PLEKHB1: variants seen among roughly 807,000 people sequenced by gnomAD.
PLEKHB1 encodes the protein pleckstrin homology domain containing B1.
Under a neutral mutation model 36.2 loss-of-function variants are expected in PLEKHB1, and 29 were observed. That is an observed-to-expected ratio of 0.80 (90% CI 0.60 to 1.09). The LOEUF (loss-of-function observed/expected upper bound fraction) is 1.09, where lower values mean the gene tolerates loss of function less well. Among genes scored for constraint, PLEKHB1 ranks in the 50% least tolerant of loss-of-function variants. PLEKHB1 has a pLI of 0.00. For missense variants in PLEKHB1, 330 were observed against 348.2 expected (o/e 0.95, Z 0.42); for synonymous variants, 138 against 140.0 (o/e 0.99, Z 0.10).
Position 73,653,013 on chromosome 11 carries a change from C to G in PLEKHB1, c.389C>G (p.Pro130Arg), listed in dbSNP as rs376023362. ...KTALLEANST[P>R]APAGATVPPR... The stretch of plus-strand genomic sequence containing the variant: ...GCACTGCTGGAGGCAAACTCCACCC[C>G]GGTGAGTCTCCCGTTCTCTCCCCCT... Residue 130 changes from proline (P) to arginine (R), a missense_variant and splice_region_variant, in exon 5 of 8, where the codon CCG becomes CGG. By Grantham distance (103) the Pro-to-Arg change is moderately radical. Transcript: ENST00000354190. The G allele has an allele frequency of 6.2e-7, 1 of 1,609,102 alleles. No homozygotes were observed. The highest frequency in any genetic ancestry group is 8.5e-7 in the Non-Finnish European group (1 of 1,176,568).
chr11:73,659,643 A>G (rs200343977), intron 6 of PLEKHB1, among the ~76,000 whole-genome samples: 44 of 37,618 alleles, frequency 1.2e-3, no homozygotes, highest in Admixed American at 2.4e-3. Context: ...GAATTCAGGG[A>G]AAAAAAAAAT....
In PLEKHB1 at chr11:73,661,244, G is replaced by A. The variant is rs1945109590; in HGVS notation, c.596-222G>A. 6.6e-6 allele frequency among the ~76,000 whole-genome samples: 1 copy of A among 152,220 alleles called. No homozygotes were observed. Among genetic ancestry groups the A allele is most frequent in the Non-Finnish European group, 1.5e-5 (1 of 68,032 alleles). On this transcript the variant is annotated intron_variant, in intron 7 of 7. Coordinates refer to ENST00000354190, the MANE Select transcript of PLEKHB1 (RefSeq NM_021200.3). The surrounding 1 kb of genome is among the most constrained non-coding windows in gnomAD (Gnocchi z 4.6). Reference sequence around the variant, plus strand: ...TTTCCTCGCTGCTCCGCCCTAGCCTGCCGTAGCGGACCCGTAGGTTCCGGG... The same window carrying A: ...TTTCCTCGCTGCTCCGCCCTAGCCTACCGTAGCGGACCCGTAGGTTCCGGG...
intron 1 of PLEKHB1, chr11:73,648,723 G>C (rs1944820704): frequency 2.6e-6 from 3 of 1,167,200 alleles, no homozygotes; most frequent in Non-Finnish European, 3.2e-6. Context: ...GACCAGGACA[G>C]AGGGCCAGGG....
intron 6 of PLEKHB1, among the ~76,000 whole-genome samples, chr11:73,657,046 A>T (rs760756247): frequency 5.3e-5 from 8 of 152,204 alleles, no homozygotes; most frequent in Non-Finnish European, 1.5e-5. Context: ...AGGCTGAGGC[A>T]GGAGAATGGC....
chr11:73,650,493 G>A (rs1008093679), intron 2 of PLEKHB1, 60 bp from the exon 3 acceptor site: 2 of 1,518,260 alleles, frequency 1.3e-6, no homozygotes, highest in Non-Finnish European at 8.8e-7. Context: ...TCTGTCTGGG[G>A]CTTCTATTCC....
At chr11:73,651,366 A>AAG (rs1412696696) in intron 3 of PLEKHB1, 1 of 443,728 alleles carries the variant, frequency 2.3e-6, no homozygotes, top group African/African-American at 2.1e-5. Flanking sequence ...AAAAAAAAAA[A>AAG]AAAAGAAAAA....
chr11:73,648,880 A>C, intron 1 of PLEKHB1, 132 bp from the exon 2 acceptor site: 1 of 1,426,990 alleles, frequency 7.0e-7, no homozygotes, highest in Non-Finnish European at 9.2e-7. Flanking sequence ...GAGGAGGCCG[A>C]GGCCGCCTGG....
At chr11:73,651,089 G>C (rs1486937834) in intron 3 of PLEKHB1, among the ~76,000 whole-genome samples, 5 of 151,842 alleles carry the variant, frequency 3.3e-5, no homozygotes, top group African/African-American at 1.2e-4. Flanking sequence ...ATTCAAGGCT[G>C]CAGTAAGCTA....
chr11:73,651,906 G>A lies in PLEKHB1; in HGVS notation c.350+16G>A. ...ATGATGCCCTGTGAGTCACTCCCAGGAGAGGATGGGGTGGAATCTCGGGGA... is the reference window on the plus strand; with the variant it reads ...ATGATGCCCTGTGAGTCACTCCCAGAAGAGGATGGGGTGGAATCTCGGGGA... On this transcript the variant is annotated intron_variant, in intron 4 of 7. Coordinates refer to ENST00000354190, the MANE Select transcript of PLEKHB1 (RefSeq NM_021200.3). The A allele has an allele frequency of 1.2e-6, 2 of 1,609,330 alleles. No individual in the cohort carries two copies. The highest frequency in any genetic ancestry group is 1.7e-6 in the Non-Finnish European group (2 of 1,177,202).
At position 73,655,820 on chromosome 11, in the gene PLEKHB1, C is replaced by T. The variant is rs376399323; in HGVS notation, c.408C>T (p.Thr136=). The part of the protein sequence containing the change: ...ANSTPAPAGA[T]VPPRSRRVCS... Reference sequence around the variant, plus strand: ...TTGAGCAGGCCCCAGCTGGAGCCACCGTCCCTCCCAGGAGCCGCCGGGTTT... The same window carrying T: ...TTGAGCAGGCCCCAGCTGGAGCCACTGTCCCTCCCAGGAGCCGCCGGGTTT... The change falls in exon 6 of 8, where the codon ACC becomes ACT. Residue 136 remains threonine, a synonymous_variant. Coordinates refer to ENST00000354190, the MANE Select transcript of PLEKHB1 (RefSeq NM_021200.3). 30 of 1,613,446 alleles carry T rather than the reference C, an allele frequency of 1.9e-5. No individual in the cohort carries two copies. Among genetic ancestry groups the T allele is most frequent in the Non-Finnish European group, 2.3e-5 (27 of 1,179,848 alleles).
At chr11:73,659,760 C>T (rs1693081038) in intron 6 of PLEKHB1, among the ~76,000 whole-genome samples, 1 of 152,162 alleles carries the variant, frequency 6.6e-6, no homozygotes, top group East Asian at 1.9e-4. Context: ...GCAGGGAATG[C>T]ATTCCAGAGA....
chr11:73,649,781 A>G lies in PLEKHB1; in HGVS notation c.94+694A>G, dbSNP rs190237969. Among the ~76,000 whole-genome samples the G allele has an allele frequency of 3.4e-3, 511 of 152,240 alleles. 3 individuals are homozygous for G. The highest frequency in any genetic ancestry group is 0.011 in the African/African-American group (476 of 41,560). On this transcript the variant is annotated intron_variant, in intron 2 of 7. Transcript: ENST00000354190. The stretch of plus-strand genomic sequence containing the variant: ...ATGCCCCATACCCCTGCCCATTCTC[A>G]GTTCATTTAGTTCAGCAAACACTGA...
chr11:73,661,507 T>C lies in PLEKHB1; in HGVS notation c.637T>C (p.Tyr213His). 1 of 1,613,680 alleles carries C rather than the reference T, an allele frequency of 6.2e-7. No individual in the cohort carries two copies. The highest frequency in any genetic ancestry group is 8.5e-7 in the Non-Finnish European group (1 of 1,179,710). ...CGTGATAGTGCGGGAGGATCCCTGC[T>C]ACAGCGCCGGCGCCCCTCTGGCCAT... ...THVIVREDPC[Y>H]SAGAPLAMGM... The change falls in exon 8 of 8, where the codon TAC becomes CAC. Residue 213 changes from tyrosine to histidine, a missense_variant. Tyr to His is a moderately conservative substitution (Grantham distance 83). Transcript: ENST00000354190. The surrounding 1 kb of genome is among the most constrained non-coding windows in gnomAD (Gnocchi z 4.6).
intron 3 of PLEKHB1, 53 bp from the exon 4 acceptor site, chr11:73,651,735 G>A: frequency 7.0e-7 from 1 of 1,437,474 alleles, no homozygotes; most frequent in Non-Finnish European, 9.7e-7. Context: ...GCTTTACTGG[G>A]GGGACCTGGG....
chr11:73,655,848 T>C lies in PLEKHB1; in HGVS notation c.436T>C (p.Ser146Pro), dbSNP rs1231002947. ...TVPPRSRRVC[S>P]KVRCVTRSWS... ...CCCTCCCAGGAGCCGCCGGGTTTGC[T>C]CCAAGGTCAGGTGTGTGACCCGCTC... The change falls in exon 6 of 8, where the codon TCC becomes CCC. Residue 146 changes from serine to proline, a missense_variant. Transcript: ENST00000354190. 2 of 1,613,578 alleles carry C rather than the reference T, an allele frequency of 1.2e-6. No individual in the cohort carries two copies. The highest frequency in any genetic ancestry group is 2.7e-5 in the African/African-American group (2 of 74,838).
intron 1 of PLEKHB1, among the ~76,000 whole-genome samples, chr11:73,647,073 C>T (rs920621488): frequency 6.6e-6 from 1 of 152,152 alleles, no homozygotes; most frequent in Non-Finnish European, 1.5e-5. Context: ...GCTTTATGTT[C>T]TAGACACACG....
intron 3 of PLEKHB1, 109 bp from the exon 4 acceptor site, chr11:73,651,679 G>T: frequency 1.2e-6 from 1 of 815,956 alleles, no homozygotes; most frequent in South Asian, 1.6e-5. Context: ...GGTTGGCAGT[G>T]GCCAGTAAAC....
At chr11:73,652,934 C>A in intron 4 of PLEKHB1, 41 bp from the exon 5 acceptor site, 1 of 1,578,336 alleles carries the variant, frequency 6.3e-7, no homozygotes. Context: ...TCACCCACCC[C>A]CAAACTCCCT....
In PLEKHB1 at chr11:73,661,341, C is replaced by A; in HGVS notation, c.596-125C>A. The A allele has an allele frequency of 9.2e-7, 1 of 1,082,188 alleles. No individual in the cohort carries two copies. The highest frequency in any genetic ancestry group is 1.3e-6 in the Non-Finnish European group (1 of 741,910). The allele number at this position is 1,082,188 out of a possible 1,614,324, so 67.0% of individuals were successfully genotyped here. On this transcript the variant is annotated intron_variant, in intron 7 of 7. Transcript: ENST00000354190. The surrounding 1 kb of genome is among the most constrained non-coding windows in gnomAD (Gnocchi z 4.6). The stretch of plus-strand genomic sequence containing the variant: ...TCCCGCGTCTAGATCTGTTCTTTGA[C>A]TGGGGAGCAGGAGAGTGGGTTCGGC...
Sources: allele counts gnomAD v4.1 joint callset (sites outside exome capture counted in the v4.1 genomes callset), GRCh38; gene constraint gnomAD v4.1.1; non-coding constraint Gnocchi (gnomAD v3.1); transcripts MANE v1.5; gene names NCBI Gene and HGNC (gene_info 2026-07-23, HGNC 2026-07-21).